The following ANO10 variants were observed in gnomAD, a reference collection of about 807,000 sequenced individuals.
ANO10 encodes the protein anoctamin-10.
Under a neutral mutation model 74.7 loss-of-function variants are expected in ANO10, and 77 were observed. That is an observed-to-expected ratio of 1.03 (90% confidence interval 0.86 to 1.25). The LOEUF (loss-of-function observed/expected upper bound fraction) is 1.25. Among genes scored for constraint, ANO10 ranks in the 50% most tolerant of loss-of-function variants. The pLI, the probability that ANO10 is intolerant of heterozygous loss-of-function variation, is 0.00. For missense variants in ANO10, 721 were observed against 778.1 expected, an observed-to-expected ratio of 0.93 and a Z score of 0.87; for synonymous variants, 279 against 284.9, an observed-to-expected ratio of 0.98 and a Z score of 0.21.
intron 4 of ANO10, among the ~76,000 whole-genome samples, chr3:43,594,135 G>C (rs1259403785): frequency 6.6e-6 from 1 of 152,152 alleles, no homozygotes; most frequent in Non-Finnish European, 1.5e-5. Flanking sequence ...CCTACAAAGA[G>C]ACTTAGACTC....
At chr3:43,676,832 C>G (rs1447779130) in intron 1 of ANO10, among the ~76,000 whole-genome samples, 2 of 150,246 alleles carry the variant, frequency 1.3e-5, no homozygotes, top group East Asian at 3.9e-4. Context: ...TTAAATTAAC[C>G]AGATAATTTT....
chr3:43,433,780 T>C (rs1389454001), intron 11 of ANO10, among the ~76,000 whole-genome samples: 1 of 152,218 alleles, frequency 6.6e-6, no homozygotes, highest in African/African-American at 2.4e-5. Context: ...CCAGATCATC[T>C]TGTGATCCAG....
intron 12 of ANO10, among the ~76,000 whole-genome samples, chr3:43,393,113 C>G (rs1414648734): frequency 2.0e-5 from 3 of 152,234 alleles, no homozygotes; most frequent in African/African-American, 2.4e-5. Context: ...ACATGCAGAT[C>G]ATGCACATGT....
At chr3:43,691,092 CG>C in intron 1 of ANO10, 1 of 1,495,872 alleles carries the variant, frequency 6.7e-7, no homozygotes, top group Non-Finnish European at 8.9e-7. Context: ...ACCCTCCGCG[CG>C]GGCCGGGTTA....
chr3:43,453,179 C>CCCT (rs753918828), intron 11 of ANO10, among the ~76,000 whole-genome samples: 3 of 130,494 alleles, frequency 2.3e-5, no homozygotes. Flanking sequence ...TCTTTTCCCC[C>CCCT]TTTTTTTTTT....
At position 43,561,244 on chromosome 3, in the gene ANO10, C is replaced by T. The variant is rs1249705588; in HGVS notation, c.1452G>A (p.Leu484=). 4 of 1,613,948 alleles carry T rather than the reference C, an allele frequency of 2.5e-6. No individual in the cohort carries two copies. The highest frequency in any genetic ancestry group is 2.7e-5 in the African/African-American group (2 of 74,902). The part of the protein sequence containing the change: ...IDATLYEQVI[L]EKEMGTYLGT... ...CCAAATAAGTTCCCATTTCTTTTTC[C>T]AGGATGACTTGTTCATATAATGTAG... Residue 484 remains leucine (L), a synonymous_variant, in exon 9 of 13, where the codon CTG becomes CTA. Transcript: ENST00000292246.
At chr3:43,375,130 AC>A (rs1251860468) in intron 12 of ANO10, among the ~76,000 whole-genome samples, 2 of 151,034 alleles carry the variant, frequency 1.3e-5, no homozygotes, top group Non-Finnish European at 3.0e-5. Flanking sequence ...CAAAAAAAAA[AC>A]AAACAACAAA....
chr3:43,616,113 C>G (rs1425133314), intron 1 of ANO10, among the ~76,000 whole-genome samples: 1 of 152,162 alleles, frequency 6.6e-6, no homozygotes, highest in East Asian at 1.9e-4. Context: ...AGGATCCGTA[C>G]ATAAGCATAT....
intron 4 of ANO10, among the ~76,000 whole-genome samples, chr3:43,592,834 C>T (rs544642740): frequency 9.9e-5 from 15 of 152,242 alleles, no homozygotes; most frequent in Middle Eastern, 3.4e-3. Flanking sequence ...TGGAACCCAT[C>T]GCAAACAAGC....
intron 12 of ANO10, among the ~76,000 whole-genome samples, chr3:43,417,627 C>T (rs997268806): frequency 2.0e-5 from 3 of 152,072 alleles, no homozygotes; most frequent in Non-Finnish European, 4.4e-5. Flanking sequence ...TGCAAGACGA[C>T]GAACCCCAGG....
intron 3 of ANO10, among the ~76,000 whole-genome samples, chr3:43,600,139 T>G (rs1396563458): frequency 6.6e-6 from 1 of 152,238 alleles, no homozygotes; most frequent in African/African-American, 2.4e-5. Flanking sequence ...GCCTGCCACA[T>G]GGTTTTATAA....
chr3:43,426,621 C>G (rs2092904212), intron 12 of ANO10, among the ~76,000 whole-genome samples: 1 of 152,274 alleles, frequency 6.6e-6, no homozygotes, highest in African/African-American at 2.4e-5. Context: ...GGATGTTGTC[C>G]TTGTGCTCCA....
At chr3:43,552,716 ATATATATATATATG>A (rs1393061645) in intron 10 of ANO10, among the ~76,000 whole-genome samples, 173 of 134,876 alleles carry the variant, frequency 1.3e-3, no homozygotes, top group Admixed American at 5.0e-3. Context: ...ATATATATAT[ATATATATATATATG>A]TATGTATGTA....
At chr3:43,417,483 T>G (rs2148905767) in intron 12 of ANO10, among the ~76,000 whole-genome samples, 1 of 152,242 alleles carries the variant, frequency 6.6e-6, no homozygotes, top group African/African-American at 2.4e-5. Context: ...CACTACCGGT[T>G]GCTCTTTTCC....
At chr3:43,479,778 G>C (rs1400920874) in intron 11 of ANO10, among the ~76,000 whole-genome samples, 1 of 152,154 alleles carries the variant, frequency 6.6e-6, no homozygotes, top group Non-Finnish European at 1.5e-5. Context: ...AACCCCAGGA[G>C]ATAGAGCCTA....
chr3:43,611,586 C>T (rs2082820762), intron 1 of ANO10, among the ~76,000 whole-genome samples: 2 of 152,138 alleles, frequency 1.3e-5, no homozygotes, highest in Admixed American at 1.3e-4. Flanking sequence ...TTTATTTATC[C>T]TCTTCTGTAA....
chr3:43,429,753 A>G (rs891813638), intron 12 of ANO10, among the ~76,000 whole-genome samples: 1 of 152,192 alleles, frequency 6.6e-6, no homozygotes, highest in Non-Finnish European at 1.5e-5. Flanking sequence ...TTTTTAAAAA[A>G]GCAGGTTACT....
At chr3:43,557,628 G>A (rs2079818178) in intron 9 of ANO10, among the ~76,000 whole-genome samples, 1 of 151,444 alleles carries the variant, frequency 6.6e-6, no homozygotes. Flanking sequence ...CCAGCTATTT[G>A]GGAGGCTGAG....
intron 1 of ANO10, chr3:43,690,932 C>T (rs1008467146): frequency 1.4e-5 from 21 of 1,521,500 alleles, no homozygotes; most frequent in Middle Eastern, 2.0e-4. Flanking sequence ...CAGCCCGGGG[C>T]GGCCCAGTCG....
Sources: gnomAD v4.1 joint callset for allele counts (sites outside exome capture counted in the v4.1 genomes callset) on GRCh38, gnomAD v4.1.1 for gene constraint, MANE v1.5 for transcripts, NCBI Gene and HGNC (gene_info 2026-07-23, HGNC 2026-07-21) for gene names.